Variants in CASK observed in about 807,000 individuals in gnomAD.
CASK encodes the protein calcium/calmodulin dependent serine protein kinase.
In CASK, 4 loss-of-function variants were observed where a neutral mutation model predicts 82.9. That is an observed-to-expected ratio of 0.05 (90% CI 0.02 to 0.11). The LOEUF (loss-of-function observed/expected upper bound fraction) is 0.11, where lower values mean the gene tolerates loss of function less well. Among genes scored for constraint, CASK ranks in the 10% least tolerant of loss-of-function variants. The pLI is 1.00. For missense variants in CASK, 358 were observed against 720.9 expected, an observed-to-expected ratio of 0.50 and a Z score of 5.76; for synonymous variants, 259 against 253.5, an observed-to-expected ratio of 1.02 and a Z score of -0.20.
At chrX:41,620,316 T>C (rs2066268570) in intron 11 of CASK, among the ~76,000 whole-genome samples, 1 of 112,231 alleles carries the variant, frequency 8.9e-6, no homozygotes, top group Admixed American at 9.5e-5. Flanking sequence ...TTTCACAAAA[T>C]AACACATTAA....
chrX:41,533,610 C>T (rs1243944031), intron 24 of CASK, among the ~76,000 whole-genome samples: 1 of 112,334 alleles, frequency 8.9e-6, no homozygotes, highest in Non-Finnish European at 1.9e-5. Flanking sequence ...AAATAATTTT[C>T]CTTTAGCTCT....
intron 26 of CASK, among the ~76,000 whole-genome samples, chrX:41,522,676 T>C (rs2064654357): frequency 8.9e-6 from 1 of 112,483 alleles, no homozygotes; most frequent in South Asian, 3.7e-4. Context: ...GCAGGGTTTA[T>C]GATTTGCTCA....
intron 2 of CASK, among the ~76,000 whole-genome samples, chrX:41,832,730 T>C (rs943193496): frequency 5.3e-5 from 6 of 112,356 alleles, no homozygotes; most frequent in African/African-American, 1.9e-4. Flanking sequence ...TGTATTTCAG[T>C]TTAAAGACAT....
At chrX:41,607,922 T>A (rs2065984170) in intron 12 of CASK, among the ~76,000 whole-genome samples, 1 of 112,214 alleles carries the variant, frequency 8.9e-6, no homozygotes, top group African/African-American at 3.2e-5. Flanking sequence ...AGTAAACTTC[T>A]ATTCTGTTAA....
At chrX:41,655,950 G>T (rs989769439) in intron 8 of CASK, among the ~76,000 whole-genome samples, 9 of 111,546 alleles carry the variant, frequency 8.1e-5, no homozygotes, top group African/African-American at 2.9e-4. Context: ...TGGAAACCTG[G>T]CCTATTTATT....
chrX:41,734,867 G>A (rs962813459), intron 5 of CASK, among the ~76,000 whole-genome samples: 1 of 111,355 alleles, frequency 9.0e-6, no homozygotes, highest in African/African-American at 3.3e-5. Context: ...CACATCTCTC[G>A]AATTTCAAAG....
At chrX:41,621,584 T>C (rs954605010) in intron 11 of CASK, among the ~76,000 whole-genome samples, 2 of 111,630 alleles carry the variant, frequency 1.8e-5, no homozygotes, top group African/African-American at 6.5e-5. Flanking sequence ...CACAATCTCA[T>C]GAGAGATCTT....
chrX:41,880,491 TG>T (rs1363519960), intron 1 of CASK, among the ~76,000 whole-genome samples: 1 of 111,634 alleles, frequency 9.0e-6, no homozygotes, highest in East Asian at 2.8e-4. Flanking sequence ...AAACTGCCCA[TG>T]TTGCTTTCAC....
intron 3 of CASK, among the ~76,000 whole-genome samples, chrX:41,763,884 G>C (rs1427730135): frequency 1.8e-5 from 2 of 111,390 alleles, no homozygotes; most frequent in East Asian, 5.6e-4. Context: ...ATATCTCACA[G>C]ATAATAGGCA....
intron 2 of CASK, among the ~76,000 whole-genome samples, chrX:41,820,860 A>G (rs1418527898): frequency 2.7e-5 from 3 of 111,365 alleles, no homozygotes; most frequent in Admixed American, 1.9e-4. Context: ...AAATAACTCA[A>G]TAGGGTTATT....
rs765805865 is a variant in CASK at position 41,908,073 on chromosome X, C to T, written c.59+14857G>A. Among the ~76,000 whole-genome samples the T allele has an allele frequency of 8.1e-5, 9 of 111,323 alleles. No homozygotes were observed. In the South Asian group the frequency reaches 1.5e-3, roughly 19 times the overall value. Reference sequence around the variant, plus strand: ...CAGGTCATGAACCGGTACTGGTCAGCGGCCCAAGGGTTGGGGACCCCTGGC... The same window carrying T: ...CAGGTCATGAACCGGTACTGGTCAGTGGCCCAAGGGTTGGGGACCCCTGGC... On this transcript the variant is annotated intron_variant, in intron 1 of 26. Coordinates refer to ENST00000378163, the MANE Select transcript of CASK (RefSeq NM_001367721.1).
At chrX:41,803,318 G>A (rs773099088) in intron 2 of CASK, among the ~76,000 whole-genome samples, 4 of 111,899 alleles carry the variant, frequency 3.6e-5, no homozygotes, top group South Asian at 3.7e-4. Context: ...GGCTGGGCAC[G>A]GTGGCTCACG....
At chrX:41,752,481 G>C (rs749554754) in intron 3 of CASK, among the ~76,000 whole-genome samples, 1 of 110,309 alleles carries the variant, frequency 9.1e-6, no homozygotes, top group African/African-American at 3.3e-5. Flanking sequence ...GTAGAGATAG[G>C]GTTTTTCTGT....
chrX:41,566,404 A>G (rs1488150852), intron 16 of CASK, among the ~76,000 whole-genome samples: 6 of 111,970 alleles, frequency 5.4e-5, no homozygotes, highest in African/African-American at 1.9e-4. Flanking sequence ...ATACAAAATC[A>G]ATGTGCAAAA....
chrX:41,620,010 T>C (rs956892395), intron 11 of CASK, among the ~76,000 whole-genome samples: 1 of 112,832 alleles, frequency 8.9e-6, no homozygotes, highest in African/African-American at 3.2e-5. Context: ...TTTTTCTCTC[T>C]GAGGTAAAAT....
intron 2 of CASK, among the ~76,000 whole-genome samples, chrX:41,846,918 T>A (rs1348517908): frequency 8.9e-6 from 1 of 111,842 alleles, no homozygotes; most frequent in African/African-American, 3.3e-5. Context: ...GATATTATTT[T>A]TCTTTCAGCA....
At chrX:41,842,560 T>A (rs1443025768) in intron 2 of CASK, among the ~76,000 whole-genome samples, 2 of 104,341 alleles carry the variant, frequency 1.9e-5, no homozygotes, top group Non-Finnish European at 3.9e-5. Flanking sequence ...AGTGAAACTC[T>A]GTCTCCAGGA....
intron 18 of CASK, chrX:41,558,136 G>A (rs2065181138): frequency 9.1e-6 from 1 of 109,966 alleles, no homozygotes; most frequent in Admixed American, 9.8e-5. Flanking sequence ...CCAAGGACCT[G>A]GGGGATGCAG....
rs901933959 is a variant in CASK at position 41,587,002 on chromosome X, A to G, written c.1234-15T>C. On this transcript the variant is annotated splice_polypyrimidine_tract_variant and intron_variant, in intron 13 of 26. Transcript: ENST00000378163. ...TCTTCCAATACCTAAAAAATAAACA[A>G]GATATACAATAATACAAACATGACA... The G allele has an allele frequency of 2.3e-5, 22 of 938,951 alleles. No homozygotes were observed. In the African/African-American group the frequency reaches 3.4e-4, roughly 15 times the overall value. 77.4% of individuals were successfully genotyped at this position (938,951 alleles called of 1,213,427 possible).
Sources: allele counts gnomAD v4.1 joint callset (sites outside exome capture counted in the v4.1 genomes callset), GRCh38; gene constraint gnomAD v4.1.1; transcripts MANE v1.5; gene names NCBI Gene and HGNC (gene_info 2026-07-23, HGNC 2026-07-21).